ZNF778: variants seen among roughly 807,000 people sequenced by gnomAD.
ZNF778 encodes the protein zinc finger protein 778.
A neutral mutation model predicts 23.9 loss-of-function variants in ZNF778; 37 were observed. The ratio of observed to expected loss-of-function variants is 1.54; its 90% CI spans 1.19 to 2.03. The LOEUF is 2.03. Ranked by LOEUF, ZNF778 falls within the 30% of genes most tolerant of loss-of-function variation. The pLI is 0.00. For missense variants in ZNF778, 1,297 were observed against 934.4 expected (o/e 1.39, Z -5.06); for synonymous variants, 483 against 343.9 (o/e 1.40, Z -4.48).
At chr16:89,219,320 G>T (rs1323537257) in intron 1 of ZNF778, among the ~76,000 whole-genome samples, 1 of 152,130 alleles carries the variant, frequency 6.6e-6, no homozygotes, top group African/African-American at 2.4e-5. Flanking sequence ...TTGTTTTCTC[G>T]TGATACGTTT....
chr16:89,228,708 G>C lies in ZNF778; in HGVS notation c.*146G>C. On this transcript the variant is annotated 3_prime_UTR_variant, in exon 7 of 7. Coordinates refer to ENST00000433976, the MANE Select transcript of ZNF778 (RefSeq NM_001201407.2). Reference sequence around the variant, plus strand: ...ACCCGGCAGGCAGGAACTCACCCTGGAGCCCTATGCAGCAGACACAGAGAA... The same window carrying C: ...ACCCGGCAGGCAGGAACTCACCCTGCAGCCCTATGCAGCAGACACAGAGAA... 2 of 1,451,264 alleles carry C rather than the reference G, an allele frequency of 1.4e-6. No individual in the cohort carries two copies. Among genetic ancestry groups the C allele is most frequent in the Non-Finnish European group, 1.8e-6 (2 of 1,106,784 alleles). 89.9% of individuals were successfully genotyped at this position (1,451,264 alleles called of 1,614,324 possible). A position where few individuals can be genotyped will look rare whatever the true frequency, so the allele number is the denominator to read the frequency against.
Position 89,228,528 on chromosome 16 carries a change from A to G in ZNF778, c.2240A>G (p.His747Arg). Reference sequence around the variant, plus strand: ...AAGAATTCCTCATGCCTTAACCATCACACTCAAATTCACACTGATGAGAAA... The same window carrying G: ...AAGAATTCCTCATGCCTTAACCATCGCACTCAAATTCACACTGATGAGAAA... ...SFKNSSCLNH[H>R]TQIHTDEKPF is the part of the protein sequence containing the mutation. Residue 747 changes from histidine to arginine, a missense_variant, in exon 7 of 7, where the codon CAC (histidine) becomes CGC (arginine). Coordinates refer to ENST00000433976, the MANE Select transcript of ZNF778 (RefSeq NM_001201407.2). The G allele has an allele frequency of 3.8e-6, 6 of 1,599,594 alleles. No individual in the cohort carries two copies. The highest frequency in any genetic ancestry group is 1.1e-5 in the South Asian group (1 of 88,226).
At chr16:89,226,591 G>C in intron 6 of ZNF778, 103 bp from the exon 7 acceptor site, 1 of 1,069,472 alleles carries the variant, frequency 9.4e-7, no homozygotes. Context: ...TTATGAAAAT[G>C]GCAAAAATCG....
rs2032209868 is a variant in ZNF778, at chr16:89,235,463, A to G, written c.*6901A>G. 6.6e-6 allele frequency: 1 copy of G among 152,254 alleles called. No homozygotes were observed. The allele number at this position is 152,254 out of a possible 1,614,324, so 9.4% of individuals were successfully genotyped here. On this transcript the variant is annotated 3_prime_UTR_variant, in exon 7 of 7. Transcript: ENST00000433976. ...GGACGAGCCTCGCCCGAGAAGAGAC[A>G]TGAGCAGTTCTGCGTAGGCTTTAAG... is the stretch of plus-strand genomic sequence containing the variant.
chr16:89,224,820 G>A lies in ZNF778; in HGVS notation c.328+18G>A, dbSNP rs1240721634. 7.8e-5 allele frequency: 116 copies of A among 1,492,330 alleles called. No individual in the cohort carries two copies. The highest frequency in any genetic ancestry group is 9.8e-5 in the Non-Finnish European group (109 of 1,108,892). 92.4% of individuals were successfully genotyped at this position (1,492,330 alleles called of 1,614,324 possible). ...TCTCCAAGGTAAGTGTGAAGAGCAC[G>A]CCTGGTCGATGTCAAGTTTAGCAGC... On this transcript the variant is annotated intron_variant, in intron 5 of 6. Coordinates refer to ENST00000433976, the MANE Select transcript of ZNF778 (RefSeq NM_001201407.2).
rs749432763 is a variant in ZNF778 at position 89,227,699 on chromosome 16, C to G, written c.1411C>G (p.His471Asp). The G allele has an allele frequency of 6.2e-7, 1 of 1,614,190 alleles. No homozygotes were observed. The highest frequency in any genetic ancestry group is 8.5e-7 in the Non-Finnish European group (1 of 1,180,034). The change falls in exon 7 of 7, where the codon CAC becomes GAC. Residue 471 changes from histidine to aspartate, a missense_variant. By Grantham distance (81) the His-to-Asp change is moderately conservative (BLOSUM62 -1). Coordinates refer to ENST00000433976, the MANE Select transcript of ZNF778 (RefSeq NM_001201407.2). ...SSGLTEHVRT[H>D]TGEKPYECKD... ...GGGCCTTACTGAGCATGTAAGGACT[C>G]ACACTGGAGAGAAACCATATGAATG...
chr16:89,228,592 C>T lies in ZNF778; in HGVS notation c.*30C>T, dbSNP rs1349663018. 6 of 1,540,366 alleles carry T rather than the reference C, an allele frequency of 3.9e-6. No homozygotes were observed. The highest frequency in any genetic ancestry group is 4.3e-6 in the Non-Finnish European group (5 of 1,149,908). ...AAGAATGTGGGGAAGCTGTCAGCTACACTCATTCACGTTGAAGACATGAAA... is the reference window on the plus strand; with the variant it reads ...AAGAATGTGGGGAAGCTGTCAGCTATACTCATTCACGTTGAAGACATGAAA... On this transcript the variant is annotated 3_prime_UTR_variant, in exon 7 of 7. Coordinates refer to ENST00000433976, the MANE Select transcript of ZNF778 (RefSeq NM_001201407.2).
Position 89,233,956 on chromosome 16 carries a change from G to C in ZNF778, c.*5394G>C, listed in dbSNP as rs766118426. The C allele has an allele frequency of 8.1e-5, 104 of 1,277,268 alleles. No individual in the cohort carries two copies. The highest frequency in any genetic ancestry group is 1.0e-4 in the Non-Finnish European group (100 of 977,962). 79.1% of individuals were successfully genotyped at this position (1,277,268 alleles called of 1,614,324 possible). A position where few individuals can be genotyped will look rare whatever the true frequency, so the allele number is the denominator to read the frequency against. On this transcript the variant is annotated 3_prime_UTR_variant, in exon 7 of 7. Coordinates refer to ENST00000433976, the MANE Select transcript of ZNF778 (RefSeq NM_001201407.2). ...CTGTATGCCCTTGGGCCTGCTGGAA[G>C]TATGCAGACTAGCCAGCCCCAGACT...
chr16:89,226,272 C>A (rs533068504), intron 6 of ZNF778, among the ~76,000 whole-genome samples: 2 of 152,230 alleles, frequency 1.3e-5, no homozygotes, highest in East Asian at 3.9e-4. Flanking sequence ...ACGGCGCAAT[C>A]TTAGCTCGCC....
rs1420057849 is a variant in ZNF778 at position 89,228,659 on chromosome 16, C to G, written c.*97C>G. On this transcript the variant is annotated 3_prime_UTR_variant, in exon 7 of 7. Transcript: ENST00000433976. ...GATGTCCATGACTTGAGGAATGTGG[C>G]TAGGCAATCAGCATCTCATCACAAC... 1 of 1,507,608 alleles carries G rather than the reference C, an allele frequency of 6.6e-7. No individual in the cohort carries two copies. Among genetic ancestry groups the G allele is most frequent in the African/African-American group, 1.4e-5 (1 of 71,608 alleles). 93.4% of individuals were successfully genotyped at this position (1,507,608 alleles called of 1,614,324 possible). A position where few individuals can be genotyped will look rare whatever the true frequency, so the allele number is the denominator to read the frequency against.
In ZNF778 at chr16:89,233,972, G is replaced by A. The variant is rs1478531106; in HGVS notation, c.*5410G>A. 7.9e-7 allele frequency: 1 copy of A among 1,258,094 alleles called. No individual in the cohort carries two copies. The highest frequency in any genetic ancestry group is 1.0e-6 in the Non-Finnish European group (1 of 960,356). 77.9% of individuals were successfully genotyped at this position (1,258,094 alleles called of 1,614,324 possible). A position where few individuals can be genotyped will look rare whatever the true frequency, so the allele number is the denominator to read the frequency against. ...CTGCTGGAAGTATGCAGACTAGCCA[G>A]CCCCAGACTTCATCCTGCCCTGTCC... On this transcript the variant is annotated 3_prime_UTR_variant, in exon 7 of 7. Transcript: ENST00000433976.
chr16:89,235,969 C>G lies in ZNF778; in HGVS notation c.*7407C>G, dbSNP rs935691512. On this transcript the variant is annotated 3_prime_UTR_variant, in exon 7 of 7. Coordinates refer to ENST00000433976, the MANE Select transcript of ZNF778 (RefSeq NM_001201407.2). ...GTCAGGAGATCATGACCATCCTGGCCAACACAGTGAAACCTCGTCTCTAGT... is the reference window on the plus strand; with the variant it reads ...GTCAGGAGATCATGACCATCCTGGCGAACACAGTGAAACCTCGTCTCTAGT... 1.4e-5 allele frequency: 2 copies of G among 144,530 alleles called. No homozygotes were observed. Among genetic ancestry groups the G allele is most frequent in the African/African-American group, 5.3e-5 (2 of 38,044 alleles). The allele number at this position is 144,530 out of a possible 1,614,324, so 9.0% of individuals were successfully genotyped here.
rs1317857598 is a variant in ZNF778 at position 89,224,722 on chromosome 16, A to G, written c.248A>G (p.His83Arg). ...ATGTCTCTTTCCCTGTGTACAGGAC[A>G]TCACCTGTTCCAACCCAGTGTGATC... ...ENYENLASVG[H>R]HLFQPSVIYW... The change falls in exon 5 of 7, where the codon CAT (histidine) becomes CGT (arginine). Residue 83 changes from histidine to arginine, a missense_variant. Coordinates refer to ENST00000433976, the MANE Select transcript of ZNF778 (RefSeq NM_001201407.2). 1 of 1,535,404 alleles carries G rather than the reference A, an allele frequency of 6.5e-7. No individual in the cohort carries two copies. The highest frequency in any genetic ancestry group is 8.7e-7 in the Non-Finnish European group (1 of 1,146,380).
rs2031617757 is a variant in ZNF778, at chr16:89,227,672, T to G, written c.1384T>G (p.Ser462Ala). ...CTGCGGGAAAGCCTTCTGTACATCC[T>G]CGGGCCTTACTGAGCATGTAAGGAC... The part of the protein sequence containing the change: ...KDCGKAFCTS[S>A]GLTEHVRTHT... The change falls in exon 7 of 7, where the codon TCG becomes GCG. Residue 462 changes from serine to alanine, a missense_variant. Ser to Ala is a moderately conservative substitution (Grantham distance 99). Coordinates refer to ENST00000433976, the MANE Select transcript of ZNF778 (RefSeq NM_001201407.2). The G allele has an allele frequency of 3.1e-6, 5 of 1,614,128 alleles. No homozygotes were observed. The East Asian group carries it at 1.1e-4, about 36-fold the overall frequency.
At position 89,223,145 on chromosome 16, in the gene ZNF778, G is replaced by A. The variant is rs750567566; in HGVS notation, c.118-12G>A. On this transcript the variant is annotated splice_polypyrimidine_tract_variant and intron_variant, in intron 3 of 6. Transcript: ENST00000433976. ...CGTTGGAAGGCTCCAACCGTCATGT[G>A]TGATGATTTAGGACGCGGTGACCTT... 5.0e-6 allele frequency: 8 copies of A among 1,611,994 alleles called. No homozygotes were observed. The highest frequency in any genetic ancestry group is 4.4e-5 in the South Asian group (4 of 90,900).
rs1460674597 is a variant in ZNF778 at position 89,233,628 on chromosome 16, G to C, written c.*5066G>C. On this transcript the variant is annotated 3_prime_UTR_variant, in exon 7 of 7. Coordinates refer to ENST00000433976, the MANE Select transcript of ZNF778 (RefSeq NM_001201407.2). Reference sequence around the variant, plus strand: ...CTGCATATGCAACTCAACTCACACTGTATGCAACTCAGCTCGCTCTGCATA... The same window carrying C: ...CTGCATATGCAACTCAACTCACACTCTATGCAACTCAGCTCGCTCTGCATA... 3 of 1,135,584 alleles carry C rather than the reference G, an allele frequency of 2.6e-6. No homozygotes were observed. The highest frequency in any genetic ancestry group is 2.3e-6 in the Non-Finnish European group (2 of 867,256). 70.3% of individuals were successfully genotyped at this position (1,135,584 alleles called of 1,614,324 possible). A position where few individuals can be genotyped will look rare whatever the true frequency, so the allele number is the denominator to read the frequency against.
chr16:89,229,767 C>A lies in ZNF778; in HGVS notation c.*1205C>A, dbSNP rs1555516024. ...GCTCTGGTTGGTTAGTCTTGAGGATCCAGATGTGATTCTGTGAGCAGTGTA... is the reference window on the plus strand; with the variant it reads ...GCTCTGGTTGGTTAGTCTTGAGGATACAGATGTGATTCTGTGAGCAGTGTA... On this transcript the variant is annotated 3_prime_UTR_variant, in exon 7 of 7. Coordinates refer to ENST00000433976, the MANE Select transcript of ZNF778 (RefSeq NM_001201407.2). 1 of 982,592 alleles carries A rather than the reference C, an allele frequency of 1.0e-6. No homozygotes were observed. The highest frequency in any genetic ancestry group is 1.2e-6 in the Non-Finnish European group (1 of 829,446). 60.9% of individuals were successfully genotyped at this position (982,592 alleles called of 1,614,324 possible).
chr16:89,224,688 C>T, intron 4 of ZNF778, 31 bp from the exon 5 acceptor site: 1 of 1,497,924 alleles, frequency 6.7e-7, no homozygotes, highest in Non-Finnish European at 9.0e-7. Flanking sequence ...GCCTGAGCCT[C>T]TTCCATCGAT....
In ZNF778 at chr16:89,236,890, G is replaced by GGT. The variant is rs1474118915; in HGVS notation, c.*8330_*8331dup. The stretch of plus-strand genomic sequence containing the variant: ...AGTTTGAGACCAGCTTGGCCAACAT[G>GGT]GTGAAACCCCATCTCTACTAAGAAA... On this transcript the variant is annotated 3_prime_UTR_variant, in exon 7 of 7. Coordinates refer to ENST00000433976, the MANE Select transcript of ZNF778 (RefSeq NM_001201407.2). 1.3e-5 allele frequency: 2 copies of GGT among 151,554 alleles called. No homozygotes were observed. Among genetic ancestry groups the GGT allele is most frequent in the Non-Finnish European group, 2.9e-5 (2 of 67,894 alleles). The allele number at this position is 151,554 out of a possible 1,614,324, so 9.4% of individuals were successfully genotyped here. A position where few individuals can be genotyped will look rare whatever the true frequency, so the allele number is the denominator to read the frequency against.
Sources: gnomAD v4.1 joint callset for allele counts (sites outside exome capture counted in the v4.1 genomes callset) on GRCh38, gnomAD v4.1.1 for gene constraint, MANE v1.5 for transcripts, NCBI Gene and HGNC (gene_info 2026-07-23, HGNC 2026-07-21) for gene names.